The following DPYD variants were observed in gnomAD, a reference collection of about 807,000 sequenced individuals.
DPYD encodes the protein dihydropyrimidine dehydrogenase, also known as dihydropyrimidine dehydrogenase [NADP(+)].
Under a neutral mutation model 116.2 loss-of-function variants are expected in DPYD, and 109 were observed. The ratio of observed to expected loss-of-function variants is 0.94; its 90% CI spans 0.80 to 1.10. The LOEUF is 1.10. Among genes scored for constraint, DPYD ranks in the 50% least tolerant of loss-of-function variants. The pLI is 0.00. For synonymous variants in DPYD, 440 were observed against 432.0 expected (o/e 1.02, Z -0.23); for missense variants, 1,302 against 1,254.5 (o/e 1.04, Z -0.57).
In DPYD at chr1:97,079,227, C is replaced by G. The variant is rs1036927624; in HGVS notation, c.2908-81G>C. Reference sequence around the variant, plus strand: ...CCCATTTTAGCGTTAACATTTTTCTCTGCTGCAGAGGAGCCACACTATGAG... The same window carrying G: ...CCCATTTTAGCGTTAACATTTTTCTGTGCTGCAGAGGAGCCACACTATGAG... On this transcript the variant is annotated intron_variant, in intron 22 of 22. Coordinates refer to ENST00000370192, the MANE Select transcript of DPYD (RefSeq NM_000110.4). 2.4e-5 allele frequency: 36 copies of G among 1,502,380 alleles called. 1 individual carries two copies. In the South Asian group the frequency reaches 3.8e-4, roughly 16 times the overall value. 93.1% of individuals were successfully genotyped at this position (1,502,380 alleles called of 1,614,324 possible). A position where few individuals can be genotyped will look rare whatever the true frequency, so the allele number is the denominator to read the frequency against.
rs369198232 is a variant in DPYD, at chr1:97,323,550, CAT to C, written c.2059-17255_2059-17254del. ...CATATATATACATATCATATATATA[CAT>C]ATATGTGTATATATACACGTATATA... On this transcript the variant is annotated intron_variant, in intron 16 of 22. Coordinates refer to ENST00000370192, the MANE Select transcript of DPYD (RefSeq NM_000110.4). 3.1e-4 allele frequency among the ~76,000 whole-genome samples: 24 copies of C among 77,352 alleles called. No homozygotes were observed. In the South Asian group the frequency reaches 3.2e-3, roughly 10 times the overall value. 50.7% of individuals were successfully genotyped at this position (77,352 alleles called of 152,430 possible).
chr1:97,192,918 C>T, intron 20 of DPYD, 151 bp downstream of exon 20: 1 of 817,430 alleles, frequency 1.2e-6, no homozygotes. Flanking sequence ...TGGCTGTAAT[C>T]AAGTCTCCTT....
At chr1:97,449,968 T>A (rs1676317923) in intron 14 of DPYD, 91 bp downstream of exon 14, 1 of 1,491,866 alleles carries the variant, frequency 6.7e-7, no homozygotes, top group Non-Finnish European at 9.3e-7. Context: ...AATATACACA[T>A]TAATATTTAT....
intron 2 of DPYD, among the ~76,000 whole-genome samples, chr1:97,866,607 G>A (rs1436185790): frequency 1.3e-5 from 2 of 151,786 alleles, no homozygotes; most frequent in African/African-American, 2.4e-5. Flanking sequence ...CCCTAGAGAC[G>A]GAAAGAGGCA....
chr1:97,188,218 A>T (rs2101813477), intron 20 of DPYD, among the ~76,000 whole-genome samples: 1 of 152,258 alleles, frequency 6.6e-6, no homozygotes, highest in South Asian at 2.1e-4. Flanking sequence ...TATCCTAATG[A>T]GAGCCTTTTA....
At chr1:97,314,650 C>A (rs1667710840) in intron 16 of DPYD, among the ~76,000 whole-genome samples, 1 of 151,858 alleles carries the variant, frequency 6.6e-6, no homozygotes, top group Admixed American at 6.6e-5. Flanking sequence ...TCTCAAATGG[C>A]AGTGTTAATT....
At chr1:97,535,172 A>T (rs180878143) in intron 12 of DPYD, among the ~76,000 whole-genome samples, 1 of 152,226 alleles carries the variant, frequency 6.6e-6, no homozygotes, top group Admixed American at 6.5e-5. Context: ...CATCCTGGAT[A>T]TTTTTTGATC....
chr1:97,680,674 C>A (rs1007707951), intron 7 of DPYD, among the ~76,000 whole-genome samples: 1 of 152,112 alleles, frequency 6.6e-6, no homozygotes, highest in South Asian at 2.1e-4. Context: ...GGACATCCCA[C>A]AGAACGTCAC....
intron 7 of DPYD, among the ~76,000 whole-genome samples, chr1:97,688,986 T>C (rs1471758291): frequency 6.6e-6 from 1 of 151,586 alleles, no homozygotes; most frequent in Non-Finnish European, 1.5e-5. Flanking sequence ...AATGTATTAA[T>C]GTAAGACTAG....
At chr1:97,454,509 C>A (rs891688367) in intron 13 of DPYD, among the ~76,000 whole-genome samples, 5 of 151,752 alleles carry the variant, frequency 3.3e-5, no homozygotes, top group African/African-American at 1.2e-4. Context: ...AGACAAACTG[C>A]CATAGCTCTC....
At chr1:97,344,323 G>A (rs568839446) in intron 16 of DPYD, among the ~76,000 whole-genome samples, 2 of 151,978 alleles carry the variant, frequency 1.3e-5, no homozygotes, top group South Asian at 4.1e-4. Flanking sequence ...TCACGCTTGA[G>A]TTAATGCTAT....
intron 3 of DPYD, among the ~76,000 whole-genome samples, chr1:97,788,788 A>G (rs551792669): frequency 6.6e-6 from 1 of 152,102 alleles, no homozygotes; most frequent in East Asian, 1.9e-4. Context: ...CAAAAATACA[A>G]GCTGTATTAT....
At chr1:97,628,326 C>T (rs959360140) in intron 8 of DPYD, among the ~76,000 whole-genome samples, 1 of 152,060 alleles carries the variant, frequency 6.6e-6, no homozygotes, top group African/African-American at 2.4e-5. Context: ...GCAACTCAAA[C>T]TTTGAATAAT....
chr1:97,531,062 C>G (rs1413217035), intron 12 of DPYD, among the ~76,000 whole-genome samples: 2 of 152,126 alleles, frequency 1.3e-5, no homozygotes, highest in Non-Finnish European at 2.9e-5. Flanking sequence ...ATTCTAAAGG[C>G]TGCTTTATTA....
chr1:97,571,014 C>T (rs1652854629), intron 11 of DPYD, among the ~76,000 whole-genome samples: 3 of 151,876 alleles, frequency 2.0e-5, no homozygotes, highest in Admixed American at 2.0e-4. Flanking sequence ...GAAATAGTGC[C>T]TACTGTAAGT....
At chr1:97,209,751 GA>G (rs1659912444) in intron 19 of DPYD, among the ~76,000 whole-genome samples, 1 of 152,062 alleles carries the variant, frequency 6.6e-6, no homozygotes, top group Non-Finnish European at 1.5e-5. Flanking sequence ...TCCACATGAG[GA>G]AATATGCTAA....
At chr1:97,903,506 G>C (rs1673464650) in intron 1 of DPYD, among the ~76,000 whole-genome samples, 1 of 151,670 alleles carries the variant, frequency 6.6e-6, no homozygotes, top group South Asian at 2.1e-4. Context: ...AAAACATGTT[G>C]GTCTAGCAAA....
chr1:97,690,113 C>A (rs1660937144), intron 7 of DPYD, among the ~76,000 whole-genome samples: 1 of 152,002 alleles, frequency 6.6e-6, no homozygotes, highest in Non-Finnish European at 1.5e-5. Flanking sequence ...CTGAGATATT[C>A]TTTGCATATG....
intron 14 of DPYD, among the ~76,000 whole-genome samples, chr1:97,411,847 T>C (rs1674013637): frequency 6.6e-6 from 1 of 152,196 alleles, no homozygotes; most frequent in Admixed American, 6.5e-5. Context: ...ATGAATGTGT[T>C]GGCATTTGTT....
Sources: gnomAD v4.1 joint callset for allele counts (sites outside exome capture counted in the v4.1 genomes callset) on GRCh38, gnomAD v4.1.1 for gene constraint, MANE v1.5 for transcripts, NCBI Gene and HGNC (gene_info 2026-07-23, HGNC 2026-07-21) for gene names.